ADK: variants seen among roughly 807,000 people sequenced by gnomAD.
The protein encoded by ADK is N6,N6-dimethyladenosine kinase.
Under a neutral mutation model 44.7 loss-of-function variants are expected in ADK, and 24 were observed. The observed-to-expected ratio is 0.54, with a 90% CI of 0.39 to 0.76. The LOEUF (loss-of-function observed/expected upper bound fraction) is 0.76, where lower values mean the gene tolerates loss of function less well. Ranked by LOEUF, ADK falls within the 30% of genes least tolerant of loss-of-function variation. The pLI is 0.00. For missense variants in ADK, 321 were observed against 425.1 expected, an observed-to-expected ratio of 0.76 and a Z score of 2.15; for synonymous variants, 128 against 142.6, an observed-to-expected ratio of 0.90 and a Z score of 0.73.
chr10:74,605,436 G>T (rs972494799), intron 9 of ADK, among the ~76,000 whole-genome samples: 2 of 152,114 alleles, frequency 1.3e-5, no homozygotes, highest in African/African-American at 4.8e-5. Context: ...CTAGTTTTTT[G>T]AGAGTTTTTA....
chr10:74,209,418 AAAT>A (rs1251796703), intron 2 of ADK, among the ~76,000 whole-genome samples: 19 of 152,348 alleles, frequency 1.2e-4, no homozygotes, highest in African/African-American at 4.6e-4. Context: ...ACCCCAAACA[AAAT>A]AAGAAAAATA....
chr10:74,354,027 A>G (rs1008212078), intron 4 of ADK, among the ~76,000 whole-genome samples: 2 of 152,248 alleles, frequency 1.3e-5, no homozygotes, highest in African/African-American at 4.8e-5. Flanking sequence ...TGTCCAGAAT[A>G]AGCATCAATT....
intron 6 of ADK, among the ~76,000 whole-genome samples, chr10:74,519,698 C>G (rs1028172841): frequency 1.3e-5 from 2 of 151,784 alleles, no homozygotes; most frequent in Non-Finnish European, 3.0e-5. Flanking sequence ...GAATATTTCT[C>G]TACATATTTA....
At chr10:74,665,038 A>T (rs1854896448) in intron 9 of ADK, among the ~76,000 whole-genome samples, 1 of 152,208 alleles carries the variant, frequency 6.6e-6, no homozygotes, top group African/African-American at 2.4e-5. Flanking sequence ...CTGAAGTATT[A>T]AGGGGTAAAA....
chr10:74,252,145 G>A (rs1845674652), intron 3 of ADK, among the ~76,000 whole-genome samples: 1 of 151,994 alleles, frequency 6.6e-6, no homozygotes, highest in African/African-American at 2.4e-5. Context: ...TATCTAGATG[G>A]GTTCTTGGAA....
intron 6 of ADK, among the ~76,000 whole-genome samples, chr10:74,501,040 A>G (rs1222171637): frequency 1.3e-5 from 2 of 152,232 alleles, no homozygotes; most frequent in Non-Finnish European, 2.9e-5. Flanking sequence ...GGATATAAAC[A>G]ATAGCTTTCA....
chr10:74,429,940 T>C (rs1844924586), intron 6 of ADK, among the ~76,000 whole-genome samples: 1 of 152,220 alleles, frequency 6.6e-6, no homozygotes, highest in African/African-American at 2.4e-5. Flanking sequence ...ACTCATATGA[T>C]ACTTACTCTG....
intron 6 of ADK, among the ~76,000 whole-genome samples, chr10:74,432,438 A>G (rs1356344074): frequency 6.6e-6 from 1 of 152,160 alleles, no homozygotes. Context: ...ATAAATGGTG[A>G]TAGTATTTTT....
At chr10:74,699,148 CTT>C (rs58818883) in intron 10 of ADK, among the ~76,000 whole-genome samples, 77,498 of 123,608 alleles carry the variant, frequency 0.63, 24,645 homozygotes, top group East Asian at 0.69. Context: ...CCAACCTAGC[CTT>C]TTTTTTTTTT....
intron 10 of ADK, among the ~76,000 whole-genome samples, chr10:74,697,365 C>T (rs1369346841): frequency 6.6e-6 from 1 of 152,044 alleles, no homozygotes; most frequent in Non-Finnish European, 1.5e-5. Context: ...GGTGAGACTC[C>T]ATTTCTACAA....
At chr10:74,625,068 G>A (rs986584591) in intron 9 of ADK, among the ~76,000 whole-genome samples, 2 of 152,210 alleles carry the variant, frequency 1.3e-5, no homozygotes, top group Admixed American at 1.3e-4. Flanking sequence ...CCTACTGTAT[G>A]TCAAGAATTG....
intron 1 of ADK, among the ~76,000 whole-genome samples, chr10:74,191,061 A>C (rs1591829269): frequency 6.6e-6 from 1 of 150,754 alleles, no homozygotes; most frequent in Non-Finnish European, 1.5e-5. Flanking sequence ...GCTCACTGCA[A>C]CCTCTGCCTC....
chr10:74,442,501 CTGGG>C (rs1845453635), intron 6 of ADK, among the ~76,000 whole-genome samples: 2 of 152,090 alleles, frequency 1.3e-5, no homozygotes, highest in South Asian at 4.1e-4. Flanking sequence ...TAAAAATTAG[CTGGG>C]CGTGGTAGCA....
At chr10:74,668,073 A>G (rs1855029163) in intron 9 of ADK, among the ~76,000 whole-genome samples, 1 of 152,202 alleles carries the variant, frequency 6.6e-6, no homozygotes, top group African/African-American at 2.4e-5. Flanking sequence ...AGATTATTAC[A>G]TAATGTAAAT....
intron 4 of ADK, among the ~76,000 whole-genome samples, chr10:74,336,982 A>G (rs1181677394): frequency 1.3e-5 from 2 of 152,194 alleles, no homozygotes; most frequent in Admixed American, 6.5e-5. Flanking sequence ...TGCAGATCCC[A>G]TGGATATGGT....
chr10:74,634,655 A>T (rs1235304030), intron 9 of ADK, among the ~76,000 whole-genome samples: 1 of 152,014 alleles, frequency 6.6e-6, no homozygotes, highest in Non-Finnish European at 1.5e-5. Flanking sequence ...AAAAAAAACA[A>T]TGAACATGGC....
chr10:74,181,643 T>C (rs1426934468), intron 1 of ADK, among the ~76,000 whole-genome samples: 1 of 152,246 alleles, frequency 6.6e-6, no homozygotes, highest in African/African-American at 2.4e-5. Context: ...CTGGATCTTG[T>C]GTCCAAAGTA....
intron 9 of ADK, among the ~76,000 whole-genome samples, chr10:74,645,148 C>T (rs566133906): frequency 3.3e-5 from 5 of 152,262 alleles, no homozygotes; most frequent in Admixed American, 1.3e-4. Context: ...GTTTAATTGT[C>T]CATCCCCTAC....
rs1564736068 is a variant in ADK at position 74,463,171 on chromosome 10, A to G, written c.556-62085A>G. On this transcript the variant is annotated intron_variant, in intron 6 of 10. Transcript: ENST00000539909. ...GGGGGTCCCCAACCTTTTTGGCACC[A>G]AGGACTGTTTCGTGGAAGATCATTT... Among the ~76,000 whole-genome samples the G allele has an allele frequency of 2.0e-5, 3 of 152,290 alleles. No individual in the cohort carries two copies. The South Asian group carries it at 6.2e-4, about 32-fold the overall frequency.
Sources: allele counts gnomAD v4.1 joint callset (sites outside exome capture counted in the v4.1 genomes callset), GRCh38; gene constraint gnomAD v4.1.1; transcripts MANE v1.5; gene names NCBI Gene and HGNC (gene_info 2026-07-23, HGNC 2026-07-21).